Variants in SNAPC4 observed in about 807,000 individuals in gnomAD.
The protein encoded by SNAPC4 is small nuclear RNA activating complex polypeptide 4, also known as snRNA-activating protein complex subunit 4.
SNAPC4 carries 127 observed loss-of-function variants against 151.3 expected under a neutral mutation model. That is an observed-to-expected ratio of 0.84 (90% confidence interval 0.73 to 0.97). The LOEUF is 0.97. Ranked by LOEUF, SNAPC4 falls within the 50% of genes least tolerant of loss-of-function variation. SNAPC4 has a pLI of 0.00. For synonymous variants in SNAPC4, 1,002 were observed against 824.4 expected (o/e 1.22, Z -3.69); for missense variants, 2,186 against 1,935.0 (o/e 1.13, Z -2.43).
intron 3 of SNAPC4, among the ~76,000 whole-genome samples, chr9:136,396,147 G>C (rs1177604562): frequency 6.6e-6 from 1 of 152,246 alleles, no homozygotes; most frequent in Non-Finnish European, 1.5e-5. Context: ...CGGGGAGCAA[G>C]CCTGTGTGGG....
Position 136,383,262 on chromosome 9 carries a change from CCGTGGGCCCTGGCA to C in SNAPC4, c.1893_1906del (p.Ala632ProfsTer73), listed in dbSNP as rs1456469391. 6.2e-7 allele frequency: 1 copy of C among 1,610,272 alleles called. No individual in the cohort carries two copies. The highest frequency in any genetic ancestry group is 2.2e-5 in the East Asian group (1 of 44,836). On this transcript the variant is annotated frameshift_variant, in exon 16 of 24. Coordinates refer to ENST00000684778, the MANE Select transcript of SNAPC4 (RefSeq NM_003086.4). LOFTEE classifies it high-confidence loss of function. This position sits in a 1 kb window ranked among gnomAD's most constrained non-coding sequence, Gnocchi z 4.2. ...GGCCTGGGCAGACCTCGGGACAGGG[CCGTGGGCCCTGGCA>C]GGGACCTGCACCGGACTCGTCTCCT...
intron 2 of SNAPC4, 67 bp downstream of exon 2, chr9:136,398,232 G>T: frequency 6.5e-7 from 1 of 1,536,748 alleles, no homozygotes; most frequent in South Asian, 1.2e-5. Flanking sequence ...ATGTGCCTGA[G>T]AGGAACCCAG....
At position 136,381,849 on chromosome 9, in the gene SNAPC4, C is replaced by T; in HGVS notation, c.2292G>A (p.Gln764=). 1.2e-6 allele frequency: 2 copies of T among 1,610,666 alleles called. No homozygotes were observed. The highest frequency in any genetic ancestry group is 8.5e-7 in the Non-Finnish European group (1 of 1,178,726). ...DVVVPCTQAS[Q]RPAVVQTQAD... Reference sequence around the variant, plus strand: ...CTTGAGTCTGCACTACGGCGGGTCTCTGGGAAGCCTGTGTGCAGGGCACGA... The same window carrying T: ...CTTGAGTCTGCACTACGGCGGGTCTTTGGGAAGCCTGTGTGCAGGGCACGA... The change falls in exon 18 of 24, where the codon CAG becomes CAA. Residue 764 remains glutamine (Q), a synonymous_variant. Coordinates refer to ENST00000684778, the MANE Select transcript of SNAPC4 (RefSeq NM_003086.4).
chr9:136,398,637 A>G (rs1834354529), intron 1 of SNAPC4, 200 bp from the exon 2 acceptor site: 2 of 555,460 alleles, frequency 3.6e-6, no homozygotes, highest in Non-Finnish European at 6.4e-6. Context: ...AACTCCTGCT[A>G]TGTGCTCTGC....
At position 136,387,858 on chromosome 9, in the gene SNAPC4, G is replaced by C. The variant is rs1431515003; in HGVS notation, c.1124-10C>G. On this transcript the variant is annotated splice_polypyrimidine_tract_variant and intron_variant, in intron 11 of 23. Transcript: ENST00000684778. ...TCCATATAGTAGACAACTAGGGACA[G>C]AGGAACAGGGAGGTCCTGTGGGGCC... The C allele has an allele frequency of 7.0e-7, 1 of 1,429,248 alleles. No individual in the cohort carries two copies. Among genetic ancestry groups the C allele is most frequent in the South Asian group, 1.1e-5 (1 of 87,468 alleles). 88.5% of individuals were successfully genotyped at this position (1,429,248 alleles called of 1,614,324 possible).
intron 10 of SNAPC4, among the ~76,000 whole-genome samples, chr9:136,390,895 C>T (rs1283655828): frequency 1.3e-5 from 2 of 150,104 alleles, no homozygotes; most frequent in African/African-American, 2.5e-5. Context: ...AGTGCAGTGG[C>T]GCGACGTCCG....
chr9:136,377,198 C>T (rs548153983), intron 22 of SNAPC4, among the ~76,000 whole-genome samples: 7 of 152,330 alleles, frequency 4.6e-5, no homozygotes, highest in South Asian at 2.1e-4. Flanking sequence ...TGGGAGCACA[C>T]GTGTGTGTGG....
intron 20 of SNAPC4, 55 bp downstream of exon 20, chr9:136,380,685 C>G: frequency 9.6e-7 from 1 of 1,040,518 alleles, no homozygotes; most frequent in Non-Finnish European, 1.5e-6. Flanking sequence ...GAAACCCACT[C>G]CAACGCCGGG....
intron 14 of SNAPC4, among the ~76,000 whole-genome samples, chr9:136,384,455 G>C (rs1564385223): frequency 6.6e-6 from 1 of 152,144 alleles, no homozygotes; most frequent in Non-Finnish European, 1.5e-5. Flanking sequence ...TTACTCTAAG[G>C]GGACATTGCA....
chr9:136,380,736 C>G lies in SNAPC4; in HGVS notation c.2499+4G>C, dbSNP rs1215031810. The G allele has an allele frequency of 6.5e-7, 1 of 1,542,610 alleles. No homozygotes were observed. Among genetic ancestry groups the G allele is most frequent in the African/African-American group, 1.4e-5 (1 of 73,688 alleles). ...CCTCACTTCTCACCCCAAGTGCCTG[C>G]TACCTGCAGAAGATGAACTGGTGGG... On this transcript the variant is annotated splice_donor_region_variant and intron_variant, in intron 20 of 23. Coordinates refer to ENST00000684778, the MANE Select transcript of SNAPC4 (RefSeq NM_003086.4).
At chr9:136,396,830 G>A (rs961010972) in intron 3 of SNAPC4, 147 bp downstream of exon 3, 21 of 729,526 alleles carry the variant, frequency 2.9e-5, no homozygotes, top group Non-Finnish European at 4.7e-5. Context: ...AATGACAAAT[G>A]CTTTTTAATT....
At chr9:136,389,233 G>A (rs1285140113) in intron 10 of SNAPC4, among the ~76,000 whole-genome samples, 3 of 152,208 alleles carry the variant, frequency 2.0e-5, no homozygotes, top group African/African-American at 7.2e-5. Flanking sequence ...GCTGATGAGT[G>A]CTACCTGAAC....
chr9:136,392,791 C>T lies in SNAPC4; in HGVS notation c.633-14G>A. On this transcript the variant is annotated splice_polypyrimidine_tract_variant and intron_variant, in intron 7 of 23. Coordinates refer to ENST00000684778, the MANE Select transcript of SNAPC4 (RefSeq NM_003086.4). ...AAGTACTCGAGCCTGCAAAGCAGAG[C>T]AGAGGCAGAAGGGCTGGGGCACGAG... The T allele has an allele frequency of 1.2e-6, 2 of 1,611,676 alleles. No individual in the cohort carries two copies. The highest frequency in any genetic ancestry group is 1.3e-5 in the African/African-American group (1 of 75,050).
At chr9:136,394,151 G>C (rs1834176802) in intron 7 of SNAPC4, 98 bp downstream of exon 7, 1 of 974,532 alleles carries the variant, frequency 1.0e-6, no homozygotes, top group South Asian at 1.3e-5. Flanking sequence ...CTGGGTTCAA[G>C]AGATCCTCCT....
intron 3 of SNAPC4, 140 bp downstream of exon 3, chr9:136,396,837 A>G: frequency 1.3e-6 from 1 of 749,616 alleles, no homozygotes; most frequent in Non-Finnish European, 2.4e-6. Context: ...AATGCTTTTT[A>G]ATTTTTTTAT....
At position 136,378,332 on chromosome 9, in the gene SNAPC4, T is replaced by C. The variant is rs540856082; in HGVS notation, c.3495A>G (p.Ala1165=). The C allele has an allele frequency of 7.5e-6, 12 of 1,606,392 alleles. No homozygotes were observed. In the East Asian group the frequency reaches 2.7e-4, roughly 36 times the overall value. ...CAAAGGCCACACTGCCATCCGCTTC[T>C]GCAGGACTTTGGGAGAGGGCGTGTG... is the stretch of plus-strand genomic sequence containing the variant. The part of the protein sequence containing the change: ...PPTHALSQSP[A]EADGSVAFVP... Residue 1165 remains alanine, a synonymous_variant, in exon 22 of 24, where the codon GCA becomes GCG. Coordinates refer to ENST00000684778, the MANE Select transcript of SNAPC4 (RefSeq NM_003086.4).
At chr9:136,397,259 G>A (rs1834305766) in intron 2 of SNAPC4, among the ~76,000 whole-genome samples, 1 of 152,162 alleles carries the variant, frequency 6.6e-6, no homozygotes, top group African/African-American at 2.4e-5. Flanking sequence ...CAGGCACACA[G>A]GACAAAGCTA....
At position 136,383,615 on chromosome 9, in the gene SNAPC4, C is replaced by T; in HGVS notation, c.1554G>A (p.Trp518Ter). 6.2e-7 allele frequency: 1 copy of T among 1,611,882 alleles called. No individual in the cohort carries two copies. The highest frequency in any genetic ancestry group is 8.5e-7 in the Non-Finnish European group (1 of 1,179,478). ...TGCTGCCGCTGCTGCTGGTAGAGCT[C>T]CACCGGACGCTGTGACGGGCCCTCC... ...RRRRARHSVR[W>*]SSTSSSGSSS... Residue 518 changes from tryptophan (W) to a stop codon, truncating the protein, a stop_gained, in exon 16 of 24, where the codon TGG (tryptophan) becomes TGA (stop). Transcript: ENST00000684778. LOFTEE classifies it high-confidence loss of function. This position sits in a 1 kb window ranked among gnomAD's most constrained non-coding sequence, Gnocchi z 4.2.
At chr9:136,395,871 C>A (rs1834252246) in intron 3 of SNAPC4, 101 bp from the exon 4 acceptor site, 4 of 1,200,556 alleles carry the variant, frequency 3.3e-6, no homozygotes, top group South Asian at 2.8e-5. Flanking sequence ...GACACCGAGG[C>A]AGCTCTGGCA....
Sources: gnomAD v4.1 joint callset for allele counts (sites outside exome capture counted in the v4.1 genomes callset) on GRCh38, gnomAD v4.1.1 for gene constraint, Gnocchi (gnomAD v3.1) non-coding constraint, MANE v1.5 for transcripts, NCBI Gene and HGNC (gene_info 2026-07-23, HGNC 2026-07-21) for gene names.